Variants in CA8 observed in about 807,000 individuals in gnomAD.
The protein encoded by CA8 is carbonic anhydrase-related protein.
CA8 carries 22 observed loss-of-function variants against 41.4 expected under a neutral mutation model. The observed-to-expected ratio is 0.53, with a 90% confidence interval of 0.38 to 0.76. The LOEUF is 0.76. Among genes scored for constraint, CA8 ranks in the 30% least tolerant of loss-of-function variants. The probability of loss-of-function intolerance (pLI) is 0.00; values close to 1 mark genes in which losing one functional copy is unlikely to be tolerated. For synonymous variants in CA8, 121 were observed against 130.6 expected (o/e 0.93, Z 0.50); for missense variants, 270 against 352.8 (o/e 0.77, Z 1.88).
chr8:60,280,112 A>G (rs1804362864), intron 1 of CA8, among the ~76,000 whole-genome samples: 1 of 152,190 alleles, frequency 6.6e-6, no homozygotes, highest in Admixed American at 6.5e-5. Context: ...TTCTATTTGT[A>G]TTTGTCAACA....
chr8:60,250,732 G>C (rs1808412524), intron 3 of CA8, among the ~76,000 whole-genome samples: 1 of 152,162 alleles, frequency 6.6e-6, no homozygotes, highest in Admixed American at 6.5e-5. Context: ...AAACTGCCTA[G>C]AGCATACACA....
In CA8 at chr8:60,208,749, C is replaced by A; in HGVS notation, c.*35+1G>T. ...ATTTTCCTTACTTAATCTGGACATA[C>A]CCTCATGAAGACAGACTTGTTCCTG... On this transcript the variant is annotated splice_donor_variant, in intron 8 of 8. Transcript: ENST00000317995. LOFTEE classifies it low-confidence loss of function (3UTR_SPLICE). 1.2e-6 allele frequency: 2 copies of A among 1,613,632 alleles called. No homozygotes were observed. The highest frequency in any genetic ancestry group is 1.1e-5 in the South Asian group (1 of 91,068).
Position 60,279,031 on chromosome 8 carries a change from T to C in CA8, c.292+658A>G, listed in dbSNP as rs7841372. Among the ~76,000 whole-genome samples, 5 of 151,904 alleles carry C rather than the reference T, an allele frequency of 3.3e-5. No individual in the cohort carries two copies. In the East Asian group the frequency reaches 9.6e-4, roughly 29 times the overall value. On this transcript the variant is annotated intron_variant, in intron 2 of 8. Transcript: ENST00000317995. The stretch of plus-strand genomic sequence containing the variant: ...AGCCAAAAACTGATTTCCTTGGTAA[T>C]TACCTAACAACTTTTGCACAGAACA...
intron 4 of CA8, among the ~76,000 whole-genome samples, chr8:60,228,231 C>T (rs779243094): frequency 1.3e-5 from 2 of 152,232 alleles, no homozygotes; most frequent in South Asian, 2.1e-4. Flanking sequence ...CAATTATTCC[C>T]GAGATAGGCT....
intron 8 of CA8, among the ~76,000 whole-genome samples, chr8:60,198,055 G>A (rs1806328157): frequency 6.6e-6 from 1 of 152,132 alleles, no homozygotes; most frequent in African/African-American, 2.4e-5. Context: ...ATCTACAAGA[G>A]ATAAGAAGGC....
intron 2 of CA8, among the ~76,000 whole-genome samples, chr8:60,279,039 C>T (rs150962235): frequency 6.6e-6 from 1 of 152,144 alleles, no homozygotes; most frequent in African/African-American, 2.4e-5. Flanking sequence ...AATTACCTAA[C>T]AACTTTTGCA....
intron 8 of CA8, among the ~76,000 whole-genome samples, chr8:60,191,462 G>C (rs1213499761): frequency 6.6e-6 from 1 of 151,954 alleles, no homozygotes; most frequent in Non-Finnish European, 1.5e-5. Context: ...ACAACAACCT[G>C]GTTGAAAAAA....
chr8:60,263,158 T>C (rs1438989117), intron 3 of CA8, among the ~76,000 whole-genome samples: 1 of 151,956 alleles, frequency 6.6e-6, no homozygotes, highest in South Asian at 2.1e-4. Flanking sequence ...CTGGTCAACA[T>C]GGTGAACTAC....
At position 60,189,612 on chromosome 8, in the gene CA8, T is replaced by G. The variant is rs983389097; in HGVS notation, c.*409A>C. 2 of 152,314 alleles carry G rather than the reference T, an allele frequency of 1.3e-5. No individual in the cohort carries two copies. Among genetic ancestry groups the G allele is most frequent in the Middle Eastern group, 3.4e-3 (1 of 294 alleles). The allele number at this position is 152,314 out of a possible 1,614,324, so 9.4% of individuals were successfully genotyped here. The stretch of plus-strand genomic sequence containing the variant: ...CTAGTTCTAAAATGAGTGAATTTTC[T>G]GTTGGAGACAGGAAATGAAGAACTA... On this transcript the variant is annotated 3_prime_UTR_variant, in exon 9 of 9. Coordinates refer to ENST00000317995, the MANE Select transcript of CA8 (RefSeq NM_004056.6).
chr8:60,273,539 G>T (rs1028603675), intron 2 of CA8, among the ~76,000 whole-genome samples: 2 of 152,198 alleles, frequency 1.3e-5, no homozygotes, highest in African/African-American at 4.8e-5. Context: ...AGTCTATGCA[G>T]ATGCACTGCT....
chr8:60,264,584 T>A (rs539025813), intron 3 of CA8, among the ~76,000 whole-genome samples: 2 of 152,314 alleles, frequency 1.3e-5, no homozygotes, highest in African/African-American at 4.8e-5. Context: ...AAGGAGAGGA[T>A]GTCTATAGGC....
intron 3 of CA8, among the ~76,000 whole-genome samples, chr8:60,235,792 T>C (rs1226650980): frequency 6.6e-6 from 1 of 152,214 alleles, no homozygotes; most frequent in Non-Finnish European, 1.5e-5. Context: ...CTTTAAATGT[T>C]ACCATAGCTG....
At chr8:60,192,707 T>C (rs1044582643) in intron 8 of CA8, among the ~76,000 whole-genome samples, 2 of 152,132 alleles carry the variant, frequency 1.3e-5, no homozygotes, top group African/African-American at 4.8e-5. Flanking sequence ...ATCAAAATTA[T>C]GCATGCATAT....
intron 8 of CA8, among the ~76,000 whole-genome samples, chr8:60,201,729 GAAGT>G (rs963215814): frequency 6.6e-6 from 1 of 152,094 alleles, no homozygotes; most frequent in Admixed American, 6.5e-5. Flanking sequence ...GACGTTCACA[GAAGT>G]AAGTAAATAC....
At chr8:60,264,109 G>T (rs1465535529) in intron 3 of CA8, among the ~76,000 whole-genome samples, 1 of 152,186 alleles carries the variant, frequency 6.6e-6, no homozygotes, top group Non-Finnish European at 1.5e-5. Context: ...TAATGGACCG[G>T]AGCTGCTGAA....
At chr8:60,278,126 T>TGTGA (rs10666410) in intron 2 of CA8, among the ~76,000 whole-genome samples, 91,069 of 151,530 alleles carry the variant, frequency 0.6, 28,398 homozygotes, top group African/African-American at 0.79. Flanking sequence ...TAAAGAAAAT[T>TGTGA]GTGTTTGAGA....
In CA8 at chr8:60,281,219, C is replaced by G; in HGVS notation, c.-72G>C. 1 of 1,074,810 alleles carries G rather than the reference C, an allele frequency of 9.3e-7. No homozygotes were observed. Among genetic ancestry groups the G allele is most frequent in the East Asian group, 2.6e-5 (1 of 38,592 alleles). 66.6% of individuals were successfully genotyped at this position (1,074,810 alleles called of 1,614,324 possible). Reference sequence around the variant, plus strand: ...CCTTCGCTGGGCGCGGGGCTGGAGCCGGAGCGGAGCGCGCGTGGGGGAGTG... The same window carrying G: ...CCTTCGCTGGGCGCGGGGCTGGAGCGGGAGCGGAGCGCGCGTGGGGGAGTG... On this transcript the variant is annotated 5_prime_UTR_variant, in exon 1 of 9. Transcript: ENST00000317995.
intron 3 of CA8, among the ~76,000 whole-genome samples, chr8:60,257,381 A>G (rs528163318): frequency 2.6e-5 from 4 of 152,344 alleles, no homozygotes; most frequent in Non-Finnish European, 5.9e-5. Context: ...AAAAACAGGA[A>G]ACACAGCAGG....
chr8:60,258,801 C>T (rs1226702169), intron 3 of CA8, among the ~76,000 whole-genome samples: 2 of 151,974 alleles, frequency 1.3e-5, no homozygotes, highest in African/African-American at 4.8e-5. Context: ...GGTTCATGCT[C>T]CTATGAAAAT....
Sources: allele counts gnomAD v4.1 joint callset (sites outside exome capture counted in the v4.1 genomes callset), GRCh38; gene constraint gnomAD v4.1.1; transcripts MANE v1.5; gene names NCBI Gene and HGNC (gene_info 2026-07-23, HGNC 2026-07-21).